SHPRH: variants seen among roughly 807,000 people sequenced by gnomAD.
SHPRH encodes the protein SNF2 histone linker PHD RING helicase.
A neutral mutation model predicts 202.5 loss-of-function variants in SHPRH; 106 were observed. The ratio of observed to expected loss-of-function variants is 0.52; its 90% confidence interval spans 0.45 to 0.62. The LOEUF is 0.62. Among genes scored for constraint, SHPRH ranks in the 20% least tolerant of loss-of-function variants. SHPRH has a pLI of 0.00. For synonymous variants in SHPRH, 729 were observed against 686.0 expected, an observed-to-expected ratio of 1.06 and a Z score of -0.98; for missense variants, 1,710 against 2,020.0, an observed-to-expected ratio of 0.85 and a Z score of 2.94.
At chr6:145,907,492 C>T (rs963493741) in intron 25 of SHPRH, 1 of 152,088 alleles carries the variant, frequency 6.6e-6, no homozygotes, top group Non-Finnish European at 1.5e-5. Context: ...ATGGCTTTCT[C>T]CTTAAATAAA....
chr6:145,954,411 A>C (rs1479992156), intron 2 of SHPRH, among the ~76,000 whole-genome samples: 2 of 152,152 alleles, frequency 1.3e-5, no homozygotes, highest in Non-Finnish European at 2.9e-5. Flanking sequence ...GCAAAATAGC[A>C]AACAGATAAA....
intron 25 of SHPRH, among the ~76,000 whole-genome samples, chr6:145,897,657 C>G (rs985454630): frequency 6.6e-6 from 1 of 152,014 alleles, no homozygotes; most frequent in Non-Finnish European, 1.5e-5. Flanking sequence ...CCAAATTCCA[C>G]AACACATTAA....
chr6:145,947,660 G>C lies in SHPRH; in HGVS notation c.1062-17C>G. The C allele has an allele frequency of 1.9e-6, 3 of 1,609,680 alleles. No homozygotes were observed. The highest frequency in any genetic ancestry group is 2.2e-5 in the South Asian group (2 of 90,672). ...CGAATGATGCTGAGGAAAAAAACAA[G>C]ATAAATCACATCATAGGAATGTGAA... On this transcript the variant is annotated splice_polypyrimidine_tract_variant and intron_variant, in intron 5 of 29. Transcript: ENST00000275233.
At chr6:145,918,295 T>C (rs1784126475) in intron 22 of SHPRH, 63 bp from the exon 23 acceptor site, 1 of 1,047,358 alleles carries the variant, frequency 9.5e-7, no homozygotes, top group African/African-American at 1.7e-5. Context: ...TTATATTAAA[T>C]ATGGACAATT....
At chr6:145,951,915 A>T (rs1342117994) in intron 3 of SHPRH, 1 of 455,764 alleles carries the variant, frequency 2.2e-6, no homozygotes, top group Admixed American at 2.3e-5. Context: ...CTGACCAAAG[A>T]TGCAACGTCT....
chr6:145,913,667 C>T, intron 23 of SHPRH, 118 bp from the exon 24 acceptor site: 1 of 692,498 alleles, frequency 1.4e-6, no homozygotes, highest in African/African-American at 1.9e-5. Context: ...CATAATCTAA[C>T]AATTTAGATG....
intron 14 of SHPRH, among the ~76,000 whole-genome samples, chr6:145,928,872 ATAAAGT>A (rs1420418980): frequency 4.6e-5 from 7 of 152,016 alleles, no homozygotes; most frequent in Non-Finnish European, 1.0e-4. Context: ...TTTCACAATA[ATAAAGT>A]TACTTTATAA....
At chr6:145,942,609 T>C (rs1308754329) in intron 9 of SHPRH, among the ~76,000 whole-genome samples, 1 of 152,240 alleles carries the variant, frequency 6.6e-6, no homozygotes, top group Non-Finnish European at 1.5e-5. Flanking sequence ...ATAACATTAC[T>C]ATGTGCCCAG....
chr6:145,910,464 T>C lies in SHPRH; in HGVS notation c.4499A>G (p.Glu1500Gly), dbSNP rs1191533618. The C allele has an allele frequency of 6.2e-7, 1 of 1,613,154 alleles. No individual in the cohort carries two copies. The highest frequency in any genetic ancestry group is 1.7e-5 in the Admixed American group (1 of 59,940). Residue 1500 changes from glutamate to glycine, a missense_variant, in exon 25 of 30, where the codon GAG becomes GGG. By Grantham distance (98) the Glu-to-Gly change is moderately conservative. This residue lies in a region of SHPRH where 306 missense variants were observed against 479.5 expected (regional missense o/e 0.64). Transcript: ENST00000275233. Reference protein sequence around the residue: ...VFTSEKANQEEDIPVKGSHST... With the variant: ...VFTSEKANQEGDIPVKGSHST... ...CTACTTTACCTTCACAGGGATGTCC[T>C]CCTCCTGGTTTGCTTTCTCTGAGGT... is the stretch of plus-strand genomic sequence containing the variant.
intron 24 of SHPRH, 132 bp downstream of exon 24, chr6:145,913,346 C>T (rs1783665160): frequency 2.7e-6 from 2 of 753,674 alleles, no homozygotes; most frequent in Non-Finnish European, 4.3e-6. Context: ...CTAGTGCTAT[C>T]TTTAAGATAA....
intron 14 of SHPRH, 122 bp downstream of exon 14, chr6:145,932,935 T>C (rs985185155): frequency 1.9e-5 from 21 of 1,093,758 alleles, no homozygotes; most frequent in Non-Finnish European, 2.7e-5. Flanking sequence ...TATTCAGTAG[T>C]GTGTGAGAGT....
chr6:145,935,232 C>A (rs367934093), intron 12 of SHPRH, 46 bp downstream of exon 12: 65 of 1,601,094 alleles, frequency 4.1e-5, no homozygotes, highest in Non-Finnish European at 5.2e-5. Context: ...CCAATTGTTT[C>A]TTTTCTCTTA....
At chr6:145,912,278 C>T (rs967920894) in intron 24 of SHPRH, among the ~76,000 whole-genome samples, 13 of 151,770 alleles carry the variant, frequency 8.6e-5, no homozygotes, top group South Asian at 2.1e-4. Context: ...AAAAAAAATA[C>T]GGCTACTATA....
At chr6:145,933,209 G>C (rs930996171) in intron 13 of SHPRH, 31 bp from the exon 14 acceptor site, 85 of 1,613,168 alleles carry the variant, frequency 5.3e-5, no homozygotes, top group Non-Finnish European at 6.8e-5. Flanking sequence ...TTCAAAACTA[G>C]AAAGAAAATC....
At chr6:145,913,173 C>A (rs1221018827) in intron 24 of SHPRH, among the ~76,000 whole-genome samples, 1 of 152,076 alleles carries the variant, frequency 6.6e-6, no homozygotes, top group Admixed American at 6.6e-5. Flanking sequence ...ACTATGTTAA[C>A]CTGACGAAGT....
chr6:145,895,011 T>TA, intron 25 of SHPRH, 34 bp from the exon 26 acceptor site: 2 of 1,580,798 alleles, frequency 1.3e-6, no homozygotes, highest in Non-Finnish European at 1.7e-6. Flanking sequence ...ACATTACTAC[T>TA]AAAAAATCTA....
At chr6:145,951,150 A>G (rs1358533757) in intron 3 of SHPRH, among the ~76,000 whole-genome samples, 2 of 152,228 alleles carry the variant, frequency 1.3e-5, no homozygotes, top group East Asian at 3.9e-4. Flanking sequence ...GGTGGGCACA[A>G]TTGTTCTGTG....
At chr6:145,915,186 C>T (rs139296348) in intron 23 of SHPRH, among the ~76,000 whole-genome samples, 1 of 147,006 alleles carries the variant, frequency 6.8e-6, no homozygotes, top group Non-Finnish European at 1.5e-5. Flanking sequence ...TATTATAATA[C>T]AATTATAATA....
chr6:145,941,344 A>G (rs1399285372), intron 10 of SHPRH, among the ~76,000 whole-genome samples: 1 of 152,222 alleles, frequency 6.6e-6, no homozygotes. Flanking sequence ...AGAAGTTCCT[A>G]AACACAGTTT....
Sources: allele counts gnomAD v4.1 joint callset (sites outside exome capture counted in the v4.1 genomes callset), GRCh38; gene constraint gnomAD v4.1.1; regional missense constraint gnomAD v4.1.1; transcripts MANE v1.5; gene names NCBI Gene and HGNC (gene_info 2026-07-23, HGNC 2026-07-21).